The following DNTT variants were observed in gnomAD, a reference collection of about 807,000 sequenced individuals.
The protein encoded by DNTT is nucleosidetriphosphate:DNA deoxynucleotidylexotransferase.
DNTT carries 47 observed loss-of-function variants against 60.9 expected under a neutral mutation model. The ratio of observed to expected loss-of-function variants is 0.77; its 90% confidence interval spans 0.61 to 0.98. DNTT has a LOEUF of 0.98. Ranked by LOEUF, DNTT falls within the 50% of genes least tolerant of loss-of-function variation. The pLI is 0.00. For missense variants in DNTT, 665 were observed against 627.5 expected (o/e 1.06, Z -0.64); for synonymous variants, 224 against 221.2 (o/e 1.01, Z -0.11).
In DNTT at chr10:96,335,998, G is replaced by A. The variant is rs773313603; in HGVS notation, c.1443+24G>A. ...AGGTACAGTTCTCTTCCTAAAAGGG[G>A]CTACTTTGATCCTCATCCCCAAGGC... On this transcript the variant is annotated intron_variant, in intron 10 of 10. Transcript: ENST00000371174. 13 of 1,612,542 alleles carry A rather than the reference G, an allele frequency of 8.1e-6. No individual in the cohort carries two copies. The South Asian group carries it at 1.3e-4, about 16-fold the overall frequency.
At chr10:96,306,402 T>A (rs1411596076) in intron 1 of DNTT, 1 of 152,178 alleles carries the variant, frequency 6.6e-6, no homozygotes, top group Admixed American at 6.5e-5. Context: ...AAAAATAGAT[T>A]TTTTGGAAAA....
chr10:96,308,405 A>G (rs142750025), intron 1 of DNTT, among the ~76,000 whole-genome samples: 118 of 152,368 alleles, frequency 7.7e-4, no homozygotes, highest in Non-Finnish European at 1.5e-3. Flanking sequence ...CATATTTATG[A>G]AAAGAATACT....
At chr10:96,321,175 CT>C (rs1295943289) in intron 4 of DNTT, among the ~76,000 whole-genome samples, 1 of 152,032 alleles carries the variant, frequency 6.6e-6, no homozygotes, top group Non-Finnish European at 1.5e-5. Flanking sequence ...GAAAAAGAGA[CT>C]GAGGCAAGTT....
In DNTT at chr10:96,322,681, T is replaced by TA; in HGVS notation, c.703_704insA (p.Ser235TyrfsTer2). On this transcript the variant is annotated frameshift_variant, in exon 5 of 11. Coordinates refer to ENST00000371174, the MANE Select transcript of DNTT (RefSeq NM_004088.4). LOFTEE classifies it high-confidence loss of function. Reference sequence around the variant, plus strand: ...GGAGATTATTGAAGATGGAGAAAGTTCTGAAGTTAAAGCTGTGTTAAATGA... The same window carrying TA: ...GGAGATTATTGAAGATGGAGAAAGTTACTGAAGTTAAAGCTGTGTTAAATGA... 6.2e-7 allele frequency: 1 copy of TA among 1,603,400 alleles called. No individual in the cohort carries two copies. Among genetic ancestry groups the TA allele is most frequent in the Non-Finnish European group, 8.5e-7 (1 of 1,172,160 alleles).
intron 1 of DNTT, among the ~76,000 whole-genome samples, chr10:96,315,544 AG>A (rs1440485321): frequency 6.6e-6 from 1 of 152,058 alleles, no homozygotes; most frequent in East Asian, 1.9e-4. Flanking sequence ...GTATTAATTA[AG>A]AAATGCATAT....
At chr10:96,311,211 T>A (rs1318331303) in intron 1 of DNTT, among the ~76,000 whole-genome samples, 3 of 152,238 alleles carry the variant, frequency 2.0e-5, no homozygotes, top group Non-Finnish European at 4.4e-5. Flanking sequence ...GAAGGGTTTT[T>A]AAACTGTAAA....
intron 1 of DNTT, among the ~76,000 whole-genome samples, chr10:96,315,475 G>A (rs1844775834): frequency 6.6e-6 from 1 of 152,044 alleles, no homozygotes; most frequent in Non-Finnish European, 1.5e-5. Flanking sequence ...CAGGAAGTGG[G>A]AGTTTAAATC....
Position 96,319,468 on chromosome 10 carries a change from A to G in DNTT, c.507+78A>G. 1.9e-6 allele frequency: 3 copies of G among 1,585,926 alleles called. No individual in the cohort carries two copies. The South Asian group carries it at 3.4e-5, about 18-fold the overall frequency. On this transcript the variant is annotated intron_variant, in intron 3 of 10. Transcript: ENST00000371174. ...TTCTGTGGACCGCAAATTAAATTAT[A>G]AATTTTTCTGAAAACCTGGGAAAGT...
chr10:96,312,664 T>C (rs1844734594), intron 1 of DNTT, among the ~76,000 whole-genome samples: 1 of 152,156 alleles, frequency 6.6e-6, no homozygotes, highest in African/African-American at 2.4e-5. Context: ...TTTTAAGTCA[T>C]TACATTTTGG....
chr10:96,323,414 G>A (rs1385706860), intron 5 of DNTT, among the ~76,000 whole-genome samples: 1 of 152,150 alleles, frequency 6.6e-6, no homozygotes, highest in Admixed American at 6.5e-5. Context: ...ATACAAATGG[G>A]TTGGGAGGGG....
chr10:96,318,114 GT>G (rs1368409083), intron 1 of DNTT, among the ~76,000 whole-genome samples: 1 of 152,162 alleles, frequency 6.6e-6, no homozygotes, highest in Non-Finnish European at 1.5e-5. Flanking sequence ...CAACGCCTCA[GT>G]CCTGCTAATG....
intron 1 of DNTT, among the ~76,000 whole-genome samples, chr10:96,316,110 T>C (rs901176834): frequency 2.6e-5 from 4 of 152,160 alleles, no homozygotes; most frequent in African/African-American, 9.7e-5. Context: ...GCGGCATGCC[T>C]GAAATAAACT....
At chr10:96,325,465 G>A (rs1430279325) in intron 6 of DNTT, among the ~76,000 whole-genome samples, 1 of 152,224 alleles carries the variant, frequency 6.6e-6, no homozygotes, top group Non-Finnish European at 1.5e-5. Flanking sequence ...GACTCTCAAT[G>A]CTTAGAGAGA....
chr10:96,322,614 G>A (rs2133989894), intron 4 of DNTT, 43 bp from the exon 5 acceptor site: 1 of 1,512,322 alleles, frequency 6.6e-7, no homozygotes, highest in Non-Finnish European at 9.1e-7. Context: ...GACAGTAATT[G>A]TCCAACATCA....
chr10:96,335,693 T>C (rs1486872608), intron 9 of DNTT, among the ~76,000 whole-genome samples, 198 bp from the exon 10 acceptor site: 1 of 152,226 alleles, frequency 6.6e-6, no homozygotes, highest in Non-Finnish European at 1.5e-5. Flanking sequence ...CAAACCAGGT[T>C]CCTGCTCTCA....
intron 6 of DNTT, among the ~76,000 whole-genome samples, chr10:96,326,315 G>T (rs1437292749): frequency 1.3e-5 from 2 of 151,474 alleles, no homozygotes; most frequent in East Asian, 1.9e-4. Flanking sequence ...TAGAAATGTG[G>T]CTTTTTAATA....
chr10:96,315,838 A>G lies in DNTT; in HGVS notation c.204-2514A>G, dbSNP rs146927156. ...ATAGATGGAATAACACTTCCTATTA[A>G]TCCTTGATCCAAAGAATCCTTCAGG... On this transcript the variant is annotated intron_variant, in intron 1 of 10. Coordinates refer to ENST00000371174, the MANE Select transcript of DNTT (RefSeq NM_004088.4). Among the ~76,000 whole-genome samples the G allele has an allele frequency of 8.0e-3, 1,215 of 152,262 alleles. 24 individuals carry two copies. The highest frequency in any genetic ancestry group is 0.027 in the African/African-American group (1,132 of 41,540).
intron 1 of DNTT, among the ~76,000 whole-genome samples, chr10:96,310,600 G>A (rs997380478): frequency 1.3e-5 from 2 of 152,160 alleles, no homozygotes; most frequent in African/African-American, 4.8e-5. Flanking sequence ...TAGAATGCTG[G>A]TGGGAGTCAC....
At chr10:96,337,585 G>T (rs1269734761) in intron 10 of DNTT, among the ~76,000 whole-genome samples, 3 of 152,226 alleles carry the variant, frequency 2.0e-5, no homozygotes, top group Admixed American at 6.5e-5. Flanking sequence ...ACCGTGCTAT[G>T]TACAAGAAGG....
Sources: gnomAD v4.1 joint callset for allele counts (sites outside exome capture counted in the v4.1 genomes callset) on GRCh38, gnomAD v4.1.1 for gene constraint, MANE v1.5 for transcripts, NCBI Gene and HGNC (gene_info 2026-07-23, HGNC 2026-07-21) for gene names.